PKHD1: variants seen among roughly 807,000 people sequenced by gnomAD.
PKHD1 encodes the protein PKHD1 ciliary IPT domain containing fibrocystin/polyductin.
PKHD1 carries 291 observed loss-of-function variants against 412.0 expected under a neutral mutation model. The observed-to-expected ratio is 0.71, with a 90% CI of 0.64 to 0.78. The LOEUF is 0.78. Ranked by LOEUF, PKHD1 falls within the 30% of genes least tolerant of loss-of-function variation. PKHD1 has a pLI of 0.00. For missense variants in PKHD1, 4,825 were observed against 4,950.7 expected, an observed-to-expected ratio of 0.97 and a Z score of 0.76; for synonymous variants, 1,777 against 1,821.5, an observed-to-expected ratio of 0.98 and a Z score of 0.62.
intron 5 of PKHD1, among the ~76,000 whole-genome samples, chr6:52,076,801 C>A (rs1228825222): frequency 1.3e-5 from 2 of 152,170 alleles, no homozygotes; most frequent in African/African-American, 4.8e-5. Context: ...TCATTATCAG[C>A]CAGCACCTTG....
At chr6:51,941,288 G>A (rs1230292138) in intron 36 of PKHD1, among the ~76,000 whole-genome samples, 45 of 125,104 alleles carry the variant, frequency 3.6e-4, no homozygotes, top group African/African-American at 1.3e-3. Flanking sequence ...TCGCTCTGTC[G>A]CCCAGGCCGG....
intron 33 of PKHD1, among the ~76,000 whole-genome samples, chr6:52,020,228 G>T (rs1482610006): frequency 6.6e-6 from 1 of 152,158 alleles, no homozygotes; most frequent in South Asian, 2.1e-4. Context: ...TATGAGGAAA[G>T]TCCAGCTGTG....
chr6:51,976,078 CA>C (rs1217802465), intron 35 of PKHD1: 12 of 148,260 alleles, frequency 8.1e-5, no homozygotes, highest in African/African-American at 3.0e-4. Flanking sequence ...GGTGCAATCA[CA>C]GGGGAAAACA....
intron 57 of PKHD1, among the ~76,000 whole-genome samples, chr6:51,749,976 T>C (rs910108104): frequency 6.6e-6 from 1 of 152,206 alleles, no homozygotes; most frequent in African/African-American, 2.4e-5. Context: ...AGCAATACAT[T>C]TGAAGTTTCT....
chr6:51,811,517 T>C (rs1764678067), intron 52 of PKHD1, among the ~76,000 whole-genome samples: 3 of 152,204 alleles, frequency 2.0e-5, no homozygotes, highest in Non-Finnish European at 2.9e-5. Flanking sequence ...TTAGAACATA[T>C]GCTTTTCATT....
intron 35 of PKHD1, among the ~76,000 whole-genome samples, chr6:51,990,291 A>G (rs1243588415): frequency 1.3e-5 from 2 of 152,108 alleles, no homozygotes; most frequent in African/African-American, 2.4e-5. Context: ...ATCTCTTTAC[A>G]TAGCCTGTGG....
chr6:51,670,369 C>T (rs991109920), intron 60 of PKHD1, among the ~76,000 whole-genome samples: 2 of 152,014 alleles, frequency 1.3e-5, no homozygotes, highest in Non-Finnish European at 2.9e-5. Context: ...AGGACTGCAA[C>T]CCCTGCCTTT....
chr6:51,830,569 C>A (rs1239332396), intron 52 of PKHD1, among the ~76,000 whole-genome samples: 1 of 152,128 alleles, frequency 6.6e-6, no homozygotes, highest in Non-Finnish European at 1.5e-5. Context: ...TAAATCCATT[C>A]TCTGACACAT....
intron 63 of PKHD1, among the ~76,000 whole-genome samples, chr6:51,647,812 G>A (rs1015185601): frequency 6.6e-6 from 1 of 152,126 alleles, no homozygotes; most frequent in East Asian, 1.9e-4. Flanking sequence ...ATTGTGAAAG[G>A]GAAGGGAGAG....
intron 64 of PKHD1, among the ~76,000 whole-genome samples, chr6:51,636,720 T>TCCC (rs2150319389): frequency 6.6e-6 from 1 of 152,316 alleles, no homozygotes; most frequent in South Asian, 2.1e-4. Flanking sequence ...TCCCCAACAT[T>TCCC]CTAGCACTTC....
At chr6:51,630,035 G>T (rs575054932) in intron 65 of PKHD1, among the ~76,000 whole-genome samples, 2 of 152,158 alleles carry the variant, frequency 1.3e-5, no homozygotes. Flanking sequence ...ATATGTCAAC[G>T]TTGAGAAGAT....
chr6:51,850,992 T>G (rs1187225785), intron 49 of PKHD1, among the ~76,000 whole-genome samples: 1 of 152,200 alleles, frequency 6.6e-6, no homozygotes, highest in Non-Finnish European at 1.5e-5. Flanking sequence ...AAGGGAATGC[T>G]TCTAGCTTTG....
At chr6:51,778,696 C>T (rs1791473186) in intron 53 of PKHD1, among the ~76,000 whole-genome samples, 1 of 151,798 alleles carries the variant, frequency 6.6e-6, no homozygotes, top group Admixed American at 6.6e-5. Context: ...AAATGGGTTC[C>T]AGGAACTTCA....
chr6:51,749,300 T>G (rs933317221), intron 57 of PKHD1, among the ~76,000 whole-genome samples: 1 of 152,218 alleles, frequency 6.6e-6, no homozygotes, highest in East Asian at 1.9e-4. Flanking sequence ...CTACACTTTA[T>G]TCACTGTTTC....
chr6:52,085,232 T>G, intron 1 of PKHD1, among the ~76,000 whole-genome samples: 1 of 87,146 alleles, frequency 1.1e-5, no homozygotes, highest in East Asian at 4.1e-4. Flanking sequence ...CACCAACTTA[T>G]TTTAAGCTGG....
chr6:51,800,379 G>GCAA (rs146454032), intron 52 of PKHD1, among the ~76,000 whole-genome samples: 2,633 of 152,054 alleles, frequency 0.017, 69 homozygotes, highest in African/African-American at 0.061. Context: ...TGCACCAAAT[G>GCAA]CAACAACAAC....
At chr6:52,075,030 A>C (rs1811158202) in intron 6 of PKHD1, among the ~76,000 whole-genome samples, 2 of 147,502 alleles carry the variant, frequency 1.4e-5, no homozygotes, top group African/African-American at 5.0e-5. Flanking sequence ...CACCCTAACA[A>C]GACTTCTGCC....
chr6:51,659,978 GA>G lies in PKHD1; in HGVS notation c.10157-10del. On this transcript the variant is annotated splice_polypyrimidine_tract_variant and intron_variant, in intron 60 of 66. Coordinates refer to ENST00000371117, the MANE Select transcript of PKHD1 (RefSeq NM_138694.4). ...TTCTTCTCTAAATGTACCTATAAAAGAAAAGAAGCAAAACAAGTGATATATG... is the reference window on the plus strand; with the variant it reads ...TTCTTCTCTAAATGTACCTATAAAAGAAAGAAGCAAAACAAGTGATATATG... 1 of 1,548,448 alleles carries G rather than the reference GA, an allele frequency of 6.5e-7. No individual in the cohort carries two copies. Among genetic ancestry groups the G allele is most frequent in the Non-Finnish European group, 8.9e-7 (1 of 1,121,816 alleles).
At chr6:51,991,945 A>G (rs1235441408) in intron 35 of PKHD1, among the ~76,000 whole-genome samples, 3 of 152,222 alleles carry the variant, frequency 2.0e-5, no homozygotes, top group African/African-American at 7.2e-5. Context: ...ATTAGGAGTT[A>G]CTATCTCTAA....
Sources: allele counts gnomAD v4.1 joint callset (sites outside exome capture counted in the v4.1 genomes callset), GRCh38; gene constraint gnomAD v4.1.1; transcripts MANE v1.5; gene names NCBI Gene and HGNC (gene_info 2026-07-23, HGNC 2026-07-21).